Variants in KIF26A observed in about 807,000 individuals in gnomAD.
KIF26A encodes the protein kinesin-like protein KIF26A.
In KIF26A, 74 loss-of-function variants were observed where a neutral mutation model predicts 126.0. The observed-to-expected ratio is 0.59, with a 90% CI of 0.49 to 0.71. The LOEUF (loss-of-function observed/expected upper bound fraction) is 0.71. KIF26A is among the 30% of genes least tolerant of loss of function. The probability of loss-of-function intolerance (pLI) is 0.00; values close to 1 mark genes in which losing one functional copy is unlikely to be tolerated. For synonymous variants in KIF26A, 1,445 were observed against 1,232.7 expected (o/e 1.17, Z -3.61); for missense variants, 2,984 against 2,763.3 (o/e 1.08, Z -1.79).
At chr14:104,145,363 G>A (rs529637292) in intron 2 of KIF26A, among the ~76,000 whole-genome samples, 2 of 152,294 alleles carry the variant, frequency 1.3e-5, no homozygotes, top group South Asian at 4.1e-4. Flanking sequence ...ACTGTGCTCC[G>A]TGGAGACTCC....
rs72714980 is a variant in KIF26A, at chr14:104,153,434, G to A, written c.735+973G>A. On this transcript the variant is annotated intron_variant, in intron 3 of 14. Coordinates refer to ENST00000423312, the MANE Select transcript of KIF26A (RefSeq NM_015656.2). ...TCTGTGGTGAGGCCGAGGAGAGGGA[G>A]CCCCACCCTTGCCACGAGGTGCCTC... Among the ~76,000 whole-genome samples the A allele has an allele frequency of 7.3e-3, 777 of 107,018 alleles. 21 individuals are homozygous for A. The highest frequency in any genetic ancestry group is 0.02 in the Middle Eastern group (4 of 196). 70.2% of individuals were successfully genotyped at this position (107,018 alleles called of 152,430 possible). A position where few individuals can be genotyped will look rare whatever the true frequency, so the allele number is the denominator to read the frequency against.
At chr14:104,166,796 G>A in intron 4 of KIF26A, 63 bp from the exon 5 acceptor site, 2 of 1,423,038 alleles carry the variant, frequency 1.4e-6, no homozygotes, top group South Asian at 2.8e-5. Context: ...GTGACTCGCA[G>A]GCGGGTGACA....
intron 2 of KIF26A, among the ~76,000 whole-genome samples, chr14:104,146,682 G>A (rs1434960201): frequency 6.6e-6 from 1 of 152,184 alleles, no homozygotes; most frequent in Non-Finnish European, 1.5e-5. Flanking sequence ...GGAGGGCCCT[G>A]GGAAGGTGCA....
Position 104,172,618 on chromosome 14 carries a change from T to C in KIF26A, c.1370T>C (p.Val457Ala), listed in dbSNP as rs1379793320. The C allele has an allele frequency of 6.2e-7, 1 of 1,613,222 alleles. No individual in the cohort carries two copies. Among genetic ancestry groups the C allele is most frequent in the African/African-American group, 1.3e-5 (1 of 75,044 alleles). ...ACCGTGGCCGACGTGCTCCAGTCGG[T>C]GGTCAGTGGGGCTGATGGCTGCATT... ...SGTVADVLQS[V>A]VSGADGCIFS... is the part of the protein sequence containing the mutation. The change falls in exon 7 of 15, where the codon GTG becomes GCG. Residue 457 changes from valine (V) to alanine (A), a missense_variant. Physicochemically the swap from Val to Ala is moderately conservative, Grantham distance 64. Transcript: ENST00000423312.
chr14:104,148,339 A>C lies in KIF26A; in HGVS notation c.289-3676A>C, dbSNP rs960104701. On this transcript the variant is annotated intron_variant, in intron 2 of 14. Transcript: ENST00000423312. The surrounding 1 kb of genome is among the most constrained non-coding windows in gnomAD (Gnocchi z 4.3). The stretch of plus-strand genomic sequence containing the variant: ...AAAAACATTTTCCAAATGCAAGTAA[A>C]GTATCTGTGTAATTAGACCATAAAG... Among the ~76,000 whole-genome samples, 2 of 152,172 alleles carry C rather than the reference A, an allele frequency of 1.3e-5. No homozygotes were observed. The highest frequency in any genetic ancestry group is 2.9e-5 in the Non-Finnish European group (2 of 68,034).
chr14:104,151,920 C>T lies in KIF26A; in HGVS notation c.289-95C>T, dbSNP rs993664317. The T allele has an allele frequency of 5.8e-5, 64 of 1,102,130 alleles. No individual in the cohort carries two copies. Among genetic ancestry groups the T allele is most frequent in the Admixed American group, 4.5e-4 (23 of 51,378 alleles). The allele number at this position is 1,102,130 out of a possible 1,614,324, so 68.3% of individuals were successfully genotyped here. A position where few individuals can be genotyped will look rare whatever the true frequency, so the allele number is the denominator to read the frequency against. On this transcript the variant is annotated intron_variant, in intron 2 of 14. Coordinates refer to ENST00000423312, the MANE Select transcript of KIF26A (RefSeq NM_015656.2). This position sits in a 1 kb window ranked among gnomAD's most constrained non-coding sequence, Gnocchi z 4.9. ...ATGGTGCGGTGGCCAGGCGGGAGCT[C>T]GCAGCGTCATGGACGGTGAGAGTGC...
intron 2 of KIF26A, among the ~76,000 whole-genome samples, chr14:104,145,446 A>C (rs1381250611): frequency 2.0e-5 from 3 of 151,970 alleles, no homozygotes; most frequent in Non-Finnish European, 4.4e-5. Context: ...TGGGTGGCCC[A>C]GCCCGGTGCC....
intron 2 of KIF26A, among the ~76,000 whole-genome samples, chr14:104,144,011 G>A (rs1280994317): frequency 6.6e-6 from 1 of 152,242 alleles, no homozygotes; most frequent in East Asian, 1.9e-4. Context: ...CCTGGGGAAG[G>A]GCCGGGAGGG....
chr14:104,151,184 C>T lies in KIF26A; in HGVS notation c.289-831C>T, dbSNP rs558375224. 6.6e-6 allele frequency among the ~76,000 whole-genome samples: 1 copy of T among 152,296 alleles called. No homozygotes were observed. Among genetic ancestry groups the T allele is most frequent in the South Asian group, 2.1e-4 (1 of 4,826 alleles). On this transcript the variant is annotated intron_variant, in intron 2 of 14. Coordinates refer to ENST00000423312, the MANE Select transcript of KIF26A (RefSeq NM_015656.2). The surrounding 1 kb of genome is among the most constrained non-coding windows in gnomAD (Gnocchi z 4.9). ...TCCTCTTCCTGGAAGATGTCACTGC[C>T]TCCAGGAAGCCTTCCCTGACTCTGA...
intron 4 of KIF26A, among the ~76,000 whole-genome samples, chr14:104,159,176 C>T (rs1224376602): frequency 2.0e-5 from 3 of 152,196 alleles, no homozygotes; most frequent in South Asian, 2.1e-4. Flanking sequence ...AATTAGGTGC[C>T]GAGAGCACGG....
chr14:104,176,430 G>A lies in KIF26A; in HGVS notation c.3642G>A (p.Pro1214=), dbSNP rs147369482. The A allele has an allele frequency of 4.4e-3, 6,959 of 1,595,868 alleles. 20 individuals carry two copies. Among genetic ancestry groups the A allele is most frequent in the Non-Finnish European group, 5.3e-3 (6,152 of 1,168,800 alleles). ...TCCACTCCAGCCTCCCCCGGAAACC[G>A]AGGACTGCCTCTGCCACCACCCGTG... The part of the protein sequence containing the change: ...QTIHSSLPRK[P]RTASATTRVG... Residue 1214 remains proline (P), a synonymous_variant, in exon 12 of 15, where the codon CCG becomes CCA. Transcript: ENST00000423312.
At position 104,171,926 on chromosome 14, in the gene KIF26A, C is replaced by G; in HGVS notation, c.1317C>G (p.Asp439Glu). Reference protein sequence around the residue: ...MFAFDAVFPQDSEQAEVCSGT... With the variant: ...MFAFDAVFPQESEQAEVCSGT... The stretch of plus-strand genomic sequence containing the variant: ...CCTTCGATGCCGTCTTCCCCCAGGA[C>G]TCCGAGCAGGTACGGGCAGGCGGAC... The change falls in exon 6 of 15, where the codon GAC (aspartate) becomes GAG (glutamate). Residue 439 changes from aspartate (D) to glutamate (E), a missense_variant. Physicochemically the swap from Asp to Glu is conservative, Grantham distance 45 (BLOSUM62 2). Transcript: ENST00000423312. 1 of 1,552,942 alleles carries G rather than the reference C, an allele frequency of 6.4e-7. No individual in the cohort carries two copies. The highest frequency in any genetic ancestry group is 8.7e-7 in the Non-Finnish European group (1 of 1,149,160).
Position 104,166,858 on chromosome 14 carries a change from G to T in KIF26A, c.924-1G>T. 1 of 1,569,260 alleles carries T rather than the reference G, an allele frequency of 6.4e-7. No individual in the cohort carries two copies. The highest frequency in any genetic ancestry group is 2.4e-5 in the East Asian group (1 of 42,220). On this transcript the variant is annotated splice_acceptor_variant, in intron 4 of 14. Coordinates refer to ENST00000423312, the MANE Select transcript of KIF26A (RefSeq NM_015656.2). LOFTEE classifies it high-confidence loss of function. ...ATCCTGCCTCTGCCTCTCCTCCCCA[G>T]GGCTATGCAGAAGCTCAGCCTGGCC...
chr14:104,144,565 T>C (rs1311059928), intron 2 of KIF26A, among the ~76,000 whole-genome samples: 1 of 152,210 alleles, frequency 6.6e-6, no homozygotes, highest in African/African-American at 2.4e-5. Context: ...GGATCTCTTA[T>C]TTGGGAATCA....
In KIF26A at chr14:104,172,704, T is replaced by G. The variant is rs1485938787; in HGVS notation, c.1420+36T>G. On this transcript the variant is annotated intron_variant, in intron 7 of 14. Transcript: ENST00000423312. ...TTGCCCCACCCTAGATGGGTCCTGCTGGCCACCCCCTCCCATCCTCATCAC... is the reference window on the plus strand; with the variant it reads ...TTGCCCCACCCTAGATGGGTCCTGCGGGCCACCCCCTCCCATCCTCATCAC... 3 of 1,486,348 alleles carry G rather than the reference T, an allele frequency of 2.0e-6. No homozygotes were observed. The African/African-American group carries it at 4.2e-5, about 21-fold the overall frequency. 92.1% of individuals were successfully genotyped at this position (1,486,348 alleles called of 1,614,324 possible). A position where few individuals can be genotyped will look rare whatever the true frequency, so the allele number is the denominator to read the frequency against.
Position 104,177,290 on chromosome 14 carries a change from G to A in KIF26A, c.4502G>A (p.Arg1501His), listed in dbSNP as rs368290179. 4.0e-4 allele frequency: 637 copies of A among 1,578,476 alleles called. 5 individuals are homozygous for A. The highest frequency in any genetic ancestry group is 5.0e-4 in the Middle Eastern group (3 of 6,014). ...PKPPVGGGKG[R>H]GLVAGGSRAL... is the part of the protein sequence containing the mutation. ...CCCCCTGTTGGTGGAGGCAAGGGCC[G>A]TGGCCTAGTGGCTGGTGGGTCGCGG... Residue 1501 changes from arginine to histidine, a missense_variant, in exon 12 of 15, where the codon CGT becomes CAT. By Grantham distance (29) the Arg-to-His change is conservative (BLOSUM62 0). Coordinates refer to ENST00000423312, the MANE Select transcript of KIF26A (RefSeq NM_015656.2).
chr14:104,172,952 G>C, intron 7 of KIF26A, 25 bp from the exon 8 acceptor site: 1 of 1,564,538 alleles, frequency 6.4e-7, no homozygotes, highest in Non-Finnish European at 8.7e-7. Flanking sequence ...TGTGTGGTGG[G>C]GCCTGACGCC....
rs1234597637 is a variant in KIF26A at position 104,176,464 on chromosome 14, G to T, written c.3676G>T (p.Ala1226Ser). 1.9e-6 allele frequency: 3 copies of T among 1,606,934 alleles called. No homozygotes were observed. Among genetic ancestry groups the T allele is most frequent in the Non-Finnish European group, 1.7e-6 (2 of 1,179,208 alleles). ...CTCTGCCACCACCCGTGTGGGCTGT[G>T]CTCGCCTGGGCCAGAGCCCACCTGG... ...TASATTRVGCARLGQSPPGRG... is the reference protein window; with the variant it reads ...TASATTRVGCSRLGQSPPGRG... The change falls in exon 12 of 15, where the codon GCT becomes TCT. Residue 1226 changes from alanine (A) to serine (S), a missense_variant. By Grantham distance (99) the Ala-to-Ser change is moderately conservative. Coordinates refer to ENST00000423312, the MANE Select transcript of KIF26A (RefSeq NM_015656.2).
In KIF26A at chr14:104,179,272, G is replaced by A. The variant is rs1261020258; in HGVS notation, c.5353G>A (p.Glu1785Lys). The stretch of plus-strand genomic sequence containing the variant: ...CGTCAGTACAAGGCTGCGGCTGGCG[G>A]AGCGCAGGCAGCAGCGGCTGCGGGA... ...ACVSTRLRLA[E>K]RRQQRLREVQ... is the part of the protein sequence containing the mutation. Residue 1785 changes from glutamate (E) to lysine (K), a missense_variant, in exon 14 of 15, where the codon GAG (glutamate) becomes AAG (lysine). Glu to Lys is a moderately conservative substitution (Grantham distance 56). Transcript: ENST00000423312. The A allele has an allele frequency of 4.6e-6, 7 of 1,527,394 alleles. No homozygotes were observed. The highest frequency in any genetic ancestry group is 1.4e-5 in the African/African-American group (1 of 72,498). 94.6% of individuals were successfully genotyped at this position (1,527,394 alleles called of 1,614,324 possible).
Sources: gnomAD v4.1 joint callset for allele counts (sites outside exome capture counted in the v4.1 genomes callset) on GRCh38, gnomAD v4.1.1 for gene constraint, Gnocchi (gnomAD v3.1) non-coding constraint, MANE v1.5 for transcripts, NCBI Gene and HGNC (gene_info 2026-07-23, HGNC 2026-07-21) for gene names.